POU6F2: variants seen among roughly 807,000 people sequenced by gnomAD.
The protein encoded by POU6F2 is POU domain, class 6, transcription factor 2.
A neutral mutation model predicts 71.3 loss-of-function variants in POU6F2; 31 were observed. That is an observed-to-expected ratio of 0.43 (90% CI 0.33 to 0.59). The LOEUF (loss-of-function observed/expected upper bound fraction) is 0.59, where lower values mean the gene tolerates loss of function less well. POU6F2 is among the 20% of genes least tolerant of loss of function. The probability of loss-of-function intolerance (pLI) is 0.04; values close to 1 mark genes in which losing one functional copy is unlikely to be tolerated. For missense variants in POU6F2, 783 were observed against 856.8 expected (o/e 0.91, Z 1.07); for synonymous variants, 347 against 355.7 (o/e 0.98, Z 0.27).
At chr7:39,195,021 TTTCATTCTTGAAGTC>T (rs1459309891) in intron 2 of POU6F2, among the ~76,000 whole-genome samples, 1 of 152,068 alleles carries the variant, frequency 6.6e-6, no homozygotes, top group Non-Finnish European at 1.5e-5. Context: ...GGGTCCGCGG[TTTCATTCTTGAAGTC>T]AGCCAGACCA....
At chr7:39,307,142 AT>A (rs1204473230) in intron 4 of POU6F2, among the ~76,000 whole-genome samples, 3 of 152,178 alleles carry the variant, frequency 2.0e-5, no homozygotes, top group Non-Finnish European at 2.9e-5. Flanking sequence ...ACTGTTACAC[AT>A]TTAAAATAAT....
At chr7:39,190,324 G>C (rs916459903) in intron 2 of POU6F2, among the ~76,000 whole-genome samples, 22 of 141,144 alleles carry the variant, frequency 1.6e-4, no homozygotes, top group Non-Finnish European at 1.8e-4. Context: ...ACATAGATTT[G>C]TGTACAATGC....
intron 1 of POU6F2, among the ~76,000 whole-genome samples, chr7:38,979,884 A>G (rs1788274295): frequency 6.6e-6 from 1 of 152,158 alleles, no homozygotes; most frequent in Non-Finnish European, 1.5e-5. Context: ...AAAATCAGGA[A>G]AGTCACTTGT....
At chr7:39,100,906 T>G (rs754522573) in intron 2 of POU6F2, among the ~76,000 whole-genome samples, 5 of 152,100 alleles carry the variant, frequency 3.3e-5, no homozygotes, top group Non-Finnish European at 7.4e-5. Context: ...TTGGGCTACC[T>G]CGTACACAGG....
At chr7:39,271,613 G>A (rs1160013379) in intron 4 of POU6F2, among the ~76,000 whole-genome samples, 2 of 152,204 alleles carry the variant, frequency 1.3e-5, no homozygotes, top group South Asian at 2.1e-4. Context: ...TGTGAGCCGT[G>A]GGGAGCAGCA....
intron 4 of POU6F2, among the ~76,000 whole-genome samples, chr7:39,305,737 T>G (rs1487982873): frequency 6.6e-6 from 1 of 152,222 alleles, no homozygotes; most frequent in Non-Finnish European, 1.5e-5. Context: ...ATTGACAATA[T>G]TATATCTCTC....
rs1337432256 is a variant in POU6F2 at position 39,287,414 on chromosome 7, G to A, written c.599-52228G>A. ...TAATGCACAACGCCTTAAAGCTAAC[G>A]TCCAGATTTCTAGTTACTATTAGCT... is the stretch of plus-strand genomic sequence containing the variant. On this transcript the variant is annotated intron_variant, in intron 4 of 9. Transcript: ENST00000518318. 3.3e-5 allele frequency among the ~76,000 whole-genome samples: 5 copies of A among 152,230 alleles called. No homozygotes were observed. The South Asian group carries it at 6.2e-4, about 19-fold the overall frequency.
At chr7:39,025,628 C>T (rs1249325018) in intron 1 of POU6F2, among the ~76,000 whole-genome samples, 6 of 151,824 alleles carry the variant, frequency 4.0e-5, no homozygotes, top group African/African-American at 1.4e-4. Flanking sequence ...AAATGTTAGA[C>T]CTAAAACCAT....
At chr7:39,089,357 G>T (rs1277586594) in intron 2 of POU6F2, among the ~76,000 whole-genome samples, 1 of 152,170 alleles carries the variant, frequency 6.6e-6, no homozygotes, top group African/African-American at 2.4e-5. Flanking sequence ...GTATAGAGGA[G>T]AACAGGCTTG....
intron 2 of POU6F2, among the ~76,000 whole-genome samples, chr7:39,185,766 T>G (rs1471932043): frequency 6.6e-6 from 1 of 151,540 alleles, no homozygotes. Context: ...AGTAAATTAA[T>G]TAAGTAATGA....
At chr7:39,238,716 A>G (rs1794721231) in intron 4 of POU6F2, among the ~76,000 whole-genome samples, 1 of 152,122 alleles carries the variant, frequency 6.6e-6, no homozygotes. Flanking sequence ...GTTGGATCTG[A>G]GGTAGATACT....
At chr7:39,044,733 T>C (rs1317214369) in intron 1 of POU6F2, among the ~76,000 whole-genome samples, 3 of 152,090 alleles carry the variant, frequency 2.0e-5, no homozygotes, top group South Asian at 2.1e-4. Flanking sequence ...CATGAATAAG[T>C]TGATAAATAT....
intron 6 of POU6F2, among the ~76,000 whole-genome samples, chr7:39,423,613 C>T (rs79967982): frequency 1.2e-4 from 19 of 152,224 alleles, no homozygotes; most frequent in Admixed American, 7.2e-4. Flanking sequence ...TCTATACTGG[C>T]GTACATTTAA....
At chr7:39,429,630 T>C (rs1788051697) in intron 6 of POU6F2, among the ~76,000 whole-genome samples, 1 of 152,166 alleles carries the variant, frequency 6.6e-6, no homozygotes, top group African/African-American at 2.4e-5. Context: ...CAGGAGAACA[T>C]AAATCTGTCT....
At chr7:39,445,205 C>A (rs957282508) in intron 7 of POU6F2, among the ~76,000 whole-genome samples, 3 of 152,114 alleles carry the variant, frequency 2.0e-5, no homozygotes, top group Admixed American at 2.0e-4. Flanking sequence ...CCTTCCTAGC[C>A]CTGGCCTGAA....
At chr7:38,987,539 A>G (rs1280031627) in intron 1 of POU6F2, among the ~76,000 whole-genome samples, 1 of 152,140 alleles carries the variant, frequency 6.6e-6, no homozygotes, top group Non-Finnish European at 1.5e-5. Flanking sequence ...TGTTTTCTGT[A>G]TTTCATATTG....
chr7:39,021,801 G>A (rs1173385389), intron 1 of POU6F2, among the ~76,000 whole-genome samples: 1 of 152,042 alleles, frequency 6.6e-6, no homozygotes, highest in African/African-American at 2.4e-5. Flanking sequence ...CAGGGAATTA[G>A]TTCATCTTGC....
At chr7:39,120,803 A>G (rs1584552663) in intron 2 of POU6F2, 1 of 152,340 alleles carries the variant, frequency 6.6e-6, no homozygotes, top group Middle Eastern at 3.4e-3. Context: ...CTTTCTTACT[A>G]GAAACCCTGT....
intron 2 of POU6F2, among the ~76,000 whole-genome samples, chr7:39,117,795 T>C (rs536274020): frequency 6.6e-6 from 1 of 152,232 alleles, no homozygotes; most frequent in East Asian, 1.9e-4. Context: ...CCTGCTTCTC[T>C]CTTAGAAGGT....
Sources: gnomAD v4.1 joint callset for allele counts (sites outside exome capture counted in the v4.1 genomes callset) on GRCh38, gnomAD v4.1.1 for gene constraint, MANE v1.5 for transcripts, NCBI Gene and HGNC (gene_info 2026-07-23, HGNC 2026-07-21) for gene names.